The following SYNE2 variants were observed in gnomAD, a reference collection of about 807,000 sequenced individuals.
The protein encoded by SYNE2 is spectrin repeat containing nuclear envelope protein 2, also known as nesprin-2.
Under a neutral mutation model 856.3 loss-of-function variants are expected in SYNE2, and 431 were observed. The observed-to-expected ratio is 0.50, with a 90% CI of 0.47 to 0.55. The LOEUF is 0.55. SYNE2 is among the 20% of genes least tolerant of loss of function. SYNE2 has a pLI of 0.00. For synonymous variants in SYNE2, 2,923 were observed against 2,872.3 expected (o/e 1.02, Z -0.56); for missense variants, 8,129 against 8,023.2 (o/e 1.01, Z -0.50).
chr14:63,909,040 GT>G (rs1451735565), intron 1 of SYNE2, 57 bp from the exon 2 acceptor site: 4 of 857,842 alleles, frequency 4.7e-6, no homozygotes, highest in Non-Finnish European at 8.0e-6. Context: ...GGCAATGCAT[GT>G]TTACTAGAAA....
intron 66 of SYNE2, among the ~76,000 whole-genome samples, chr14:64,117,912 C>A (rs930469761): frequency 1.3e-5 from 2 of 152,098 alleles, no homozygotes; most frequent in Admixed American, 1.3e-4. Context: ...AATTTTATCA[C>A]GCTACTCAGG....
upstream of SYNE2, chr14:63,852,977 C>T (rs1453503250): frequency 1.3e-5 from 2 of 151,826 alleles, no homozygotes; most frequent in Non-Finnish European, 2.9e-5. Flanking sequence ...TTGCCGCTTT[C>T]CGAGCGCCAA....
rs921069099 is a variant in SYNE2 at position 63,815,204 on chromosome 14, C to G, written c.-304-37297C>G. Among the ~76,000 whole-genome samples the G allele has an allele frequency of 2.7e-4, 11 of 41,006 alleles. 2 individuals carry two copies. The highest frequency in any genetic ancestry group is 2.5e-3 in the East Asian group (4 of 1,586). The allele number at this position is 41,006 out of a possible 152,430, so 26.9% of individuals were successfully genotyped here. A position where few individuals can be genotyped will look rare whatever the true frequency, so the allele number is the denominator to read the frequency against. On this transcript the variant is annotated intron_variant, in intron 1 of 23. Coordinates refer to the SYNE2 transcript ENST00000674003. ...TCCATATATATATCCATATATATAT[C>G]CATATATATATCCATATATATATCC...
At chr14:63,990,770 A>G (rs748413070) in intron 20 of SYNE2, among the ~76,000 whole-genome samples, 172 bp from the exon 21 acceptor site, 15 of 152,212 alleles carry the variant, frequency 9.9e-5, no homozygotes, top group Non-Finnish European at 1.8e-4. Context: ...ATAAGTATCA[A>G]TTTGGATAGA....
intron 1 of SYNE2, among the ~76,000 whole-genome samples, chr14:63,812,892 G>A (rs1050860901): frequency 1.3e-5 from 2 of 152,104 alleles, no homozygotes; most frequent in Non-Finnish European, 1.5e-5. Flanking sequence ...GGAACTTAAT[G>A]TAAATTTTAA....
At chr14:64,142,212 G>C in intron 82 of SYNE2, 124 bp downstream of exon 82, 1 of 1,143,644 alleles carries the variant, frequency 8.7e-7, no homozygotes, top group Middle Eastern at 2.0e-4. Context: ...GTAGGAAACT[G>C]GGGTGGTGGA....
Position 64,219,391 on chromosome 14 carries a change from T to C in SYNE2, c.19841T>C (p.Leu6614Pro). ...CCCTCTGATATCCAGGAAATAGAAC[T>C]GAGAGTGAAGAGACTGCAGGTGAGT... ...KPPSDIQEIE[L>P]RVKRLQEILK... is the part of the protein sequence containing the mutation. Residue 6614 changes from leucine to proline, a missense_variant, in exon 110 of 116, where the codon CTG becomes CCG. This residue lies in a region of SYNE2 where 5,410 missense variants were observed against 5,284.8 expected (regional missense o/e 1.02). Coordinates refer to ENST00000555002, the MANE Select transcript of SYNE2 (RefSeq NM_182914.3). The C allele has an allele frequency of 6.2e-7, 1 of 1,614,014 alleles. No homozygotes were observed.
At chr14:63,956,457 G>A (rs1235183695) in intron 8 of SYNE2, 1 of 456,472 alleles carries the variant, frequency 2.2e-6, no homozygotes, top group African/African-American at 2.0e-5. Context: ...ACATTTAGCA[G>A]TCAACTCTCT....
chr14:64,049,421 G>A (rs942655683), intron 46 of SYNE2, 190 bp from the exon 47 acceptor site: 2 of 141,540 alleles, frequency 1.4e-5, no homozygotes, highest in East Asian at 3.5e-4. Context: ...ACTCCAGCCT[G>A]GGTGACAAAA....
At chr14:63,831,435 G>A in intron 1 of SYNE2, among the ~76,000 whole-genome samples, 1 of 149,842 alleles carries the variant, frequency 6.7e-6, no homozygotes, top group East Asian at 2.0e-4. Context: ...CTTGACATTT[G>A]CTCTTGATTT....
At chr14:64,184,351 T>TGTGTGC (rs1308684823) in intron 96 of SYNE2, among the ~76,000 whole-genome samples, 1 of 151,566 alleles carries the variant, frequency 6.6e-6, no homozygotes, top group South Asian at 2.1e-4. Context: ...TGTGTGTGTG[T>TGTGTGC]GTGTGTGTGT....
At chr14:63,835,118 G>T (rs1356328632) in intron 1 of SYNE2, among the ~76,000 whole-genome samples, 2 of 152,166 alleles carry the variant, frequency 1.3e-5, no homozygotes, top group African/African-American at 4.8e-5. Flanking sequence ...AGGTGCTAAA[G>T]ATGCATCCAT....
At chr14:64,122,564 A>G in intron 70 of SYNE2, 137 bp downstream of exon 70, 1 of 1,188,430 alleles carries the variant, frequency 8.4e-7, no homozygotes, top group Non-Finnish European at 1.2e-6. Flanking sequence ...CATTTTCTTG[A>G]TCTTGGAAAC....
chr14:63,774,219 A>G (rs1397596806), intron 1 of SYNE2, among the ~76,000 whole-genome samples: 1 of 151,510 alleles, frequency 6.6e-6, no homozygotes, highest in African/African-American at 2.4e-5. Context: ...CTGTAATCCC[A>G]GCACTTTGGG....
intron 1 of SYNE2, among the ~76,000 whole-genome samples, chr14:63,879,382 C>T (rs901901763): frequency 6.6e-6 from 1 of 152,216 alleles, no homozygotes; most frequent in Non-Finnish European, 1.5e-5. Context: ...TGTGGGTAGA[C>T]TAAGGACTCA....
chr14:63,814,105 C>G (rs1194936594), intron 1 of SYNE2, among the ~76,000 whole-genome samples: 3 of 149,374 alleles, frequency 2.0e-5, no homozygotes, highest in African/African-American at 7.4e-5. Flanking sequence ...ACAACAATAA[C>G]AAAAAACTAA....
In SYNE2 at chr14:63,978,917, T is replaced by A; in HGVS notation, c.1472T>A (p.Val491Asp). The A allele has an allele frequency of 6.2e-7, 1 of 1,612,978 alleles. No individual in the cohort carries two copies. Among genetic ancestry groups the A allele is most frequent in the Non-Finnish European group, 8.5e-7 (1 of 1,179,056 alleles). The change falls in exon 14 of 116, where the codon GTT (valine) becomes GAT (aspartate). Residue 491 changes from valine to aspartate, a missense_variant. Val to Asp is a radical substitution (Grantham distance 152). Coordinates refer to ENST00000555002, the MANE Select transcript of SYNE2 (RefSeq NM_182914.3). ...GAATTTCATTACTACAAGTGCTTAG[T>A]TCTTGGTTTGGTAGATGAAGTGAAA... ...LLEFHYYKCL[V>D]LGLVDEVKSK...
intron 1 of SYNE2, among the ~76,000 whole-genome samples, chr14:63,801,376 T>A (rs12590203): frequency 0.083 from 12,633 of 151,354 alleles, 584 homozygotes; most frequent in African/African-American, 0.11. Flanking sequence ...AAATAAAATT[T>A]AAAAAAAAAG....
chr14:64,038,220 C>T (rs1305674721), intron 45 of SYNE2, among the ~76,000 whole-genome samples: 5 of 151,870 alleles, frequency 3.3e-5, no homozygotes, highest in East Asian at 1.9e-4. Flanking sequence ...CGGGCAGAGA[C>T]GCTCCTCACT....
Sources: gnomAD v4.1 joint callset for allele counts (sites outside exome capture counted in the v4.1 genomes callset) on GRCh38, gnomAD v4.1.1 for gene constraint, gnomAD v4.1.1 regional missense constraint, MANE v1.5 for transcripts, NCBI Gene and HGNC (gene_info 2026-07-23, HGNC 2026-07-21) for gene names.